The following NUP93 variants were observed in gnomAD, a reference collection of about 807,000 sequenced individuals.
NUP93 encodes nucleoporin 93.
In NUP93, 55 loss-of-function variants were observed where a neutral mutation model predicts 107.8. That is an observed-to-expected ratio of 0.51 (90% confidence interval 0.41 to 0.64). NUP93 has a LOEUF of 0.64. NUP93 is among the 30% of genes least tolerant of loss of function. NUP93 has a pLI of 0.00. For synonymous variants in NUP93, 390 were observed against 397.5 expected (o/e 0.98, Z 0.22); for missense variants, 937 against 1,044.7 (o/e 0.90, Z 1.42).
At chr16:56,818,885 C>T (rs1191729252) in intron 6 of NUP93, 147 bp downstream of exon 6, 1 of 633,086 alleles carries the variant, frequency 1.6e-6, no homozygotes, top group African/African-American at 1.8e-5. Flanking sequence ...TTAGCATAGG[C>T]CACTGGAGAA....
chr16:56,808,508 A>G lies in NUP93; in HGVS notation c.489+2876A>G, dbSNP rs1963221099. 1.6e-5 allele frequency among the ~76,000 whole-genome samples: 2 copies of G among 124,628 alleles called. 1 individual carries two copies. Among genetic ancestry groups the G allele is most frequent in the South Asian group, 4.8e-4 (2 of 4,194 alleles). The allele number at this position is 124,628 out of a possible 152,430, so 81.8% of individuals were successfully genotyped here. A position where few individuals can be genotyped will look rare whatever the true frequency, so the allele number is the denominator to read the frequency against. On this transcript the variant is annotated intron_variant, in intron 5 of 21. Transcript: ENST00000308159. The stretch of plus-strand genomic sequence containing the variant: ...TAGTTATGTAACTATATAAATATAT[A>G]GTTATGTAACTATATATAAATATAG...
intron 3 of NUP93, among the ~76,000 whole-genome samples, chr16:56,793,385 G>A (rs1463259790): frequency 1.3e-5 from 2 of 152,142 alleles, no homozygotes; most frequent in Non-Finnish European, 2.9e-5. Context: ...TAGTGATGGG[G>A]AGCTCTGGGG....
chr16:56,756,485 A>G (rs1405532802), intron 2 of NUP93, among the ~76,000 whole-genome samples: 3 of 151,884 alleles, frequency 2.0e-5, no homozygotes, highest in Non-Finnish European at 2.9e-5. Flanking sequence ...ATTCTTTTTG[A>G]TGGCTGCGTG....
At chr16:56,834,594 AT>A in intron 15 of NUP93, 139 bp from the exon 16 acceptor site, 1 of 1,101,830 alleles carries the variant, frequency 9.1e-7, no homozygotes, top group Non-Finnish European at 1.3e-6. Flanking sequence ...GAAAATATTT[AT>A]TTCAGTCACA....
At chr16:56,772,660 C>A (rs1363373423) in intron 3 of NUP93, among the ~76,000 whole-genome samples, 1 of 152,190 alleles carries the variant, frequency 6.6e-6, no homozygotes, top group Non-Finnish European at 1.5e-5. Flanking sequence ...TACATACTCT[C>A]CTTACTTGTG....
chr16:56,808,568 A>G (rs556065781), intron 5 of NUP93, among the ~76,000 whole-genome samples: 3 of 125,860 alleles, frequency 2.4e-5, no homozygotes, highest in Admixed American at 8.2e-5. Flanking sequence ...ATATATAAAT[A>G]CATTTATATA....
chr16:56,838,276 G>T (rs554872054), intron 18 of NUP93, among the ~76,000 whole-genome samples: 5 of 152,116 alleles, frequency 3.3e-5, no homozygotes, highest in Admixed American at 6.5e-5. Context: ...CCTTCCCGGG[G>T]TAACAAAAAA....
At chr16:56,778,613 CAT>C (rs1331617538) in intron 3 of NUP93, among the ~76,000 whole-genome samples, 1 of 152,150 alleles carries the variant, frequency 6.6e-6, no homozygotes, top group Non-Finnish European at 1.5e-5. Flanking sequence ...ACATCTGCCA[CAT>C]GTGGTGCCTG....
chr16:56,818,348 A>T (rs1369052377), intron 5 of NUP93, among the ~76,000 whole-genome samples: 2 of 152,184 alleles, frequency 1.3e-5, no homozygotes, highest in Non-Finnish European at 2.9e-5. Flanking sequence ...TGAGGTAGAG[A>T]GGGGGCTTGA....
intron 4 of NUP93, among the ~76,000 whole-genome samples, chr16:56,799,113 A>G (rs1394521442): frequency 6.6e-6 from 1 of 152,182 alleles, no homozygotes; most frequent in Admixed American, 6.5e-5. Flanking sequence ...CCAGAAAATT[A>G]GTGGTTTCAT....
Position 56,838,989 on chromosome 16 carries a change from G to A in NUP93, c.2056G>A (p.Asp686Asn), listed in dbSNP as rs748209131. 6.2e-7 allele frequency: 1 copy of A among 1,614,000 alleles called. No individual in the cohort carries two copies. Among genetic ancestry groups the A allele is most frequent in the South Asian group, 1.1e-5 (1 of 91,072 alleles). Residue 686 changes from aspartate (D) to asparagine (N), a missense_variant, in exon 19 of 22, where the codon GAC (aspartate) becomes AAC (asparagine). Asp to Asn is a conservative substitution (Grantham distance 23). Coordinates refer to ENST00000308159, the MANE Select transcript of NUP93 (RefSeq NM_014669.5). ...AGGAATAAGCGCAAATAAATTTGTG[G>A]ACTCCACGTTCTATCTTCTTTTGGA... is the stretch of plus-strand genomic sequence containing the variant. ...AQGISANKFV[D>N]STFYLLLDLI...
rs780108547 is a variant in NUP93 at position 56,833,404 on chromosome 16, T to C, written c.1535T>C (p.Leu512Pro). ...LLKSSGQSAQ[L>P]LSHEPGDPPC... ...AAGTCCTCTGGACAGAGTGCTCAGC[T>C]CCGTGAGTATTTGGGATTGGATTGA... is the stretch of plus-strand genomic sequence containing the variant. Residue 512 changes from leucine to proline, a missense_variant and splice_region_variant, in exon 13 of 22, where the codon CTC (leucine) becomes CCC (proline). Leu to Pro is a moderately conservative substitution (Grantham distance 98). Coordinates refer to ENST00000308159, the MANE Select transcript of NUP93 (RefSeq NM_014669.5). The C allele has an allele frequency of 6.6e-7, 1 of 1,523,890 alleles. No homozygotes were observed. Among genetic ancestry groups the C allele is most frequent in the Admixed American group, 2.4e-5 (1 of 41,306 alleles). 94.4% of individuals were successfully genotyped at this position (1,523,890 alleles called of 1,614,324 possible). A position where few individuals can be genotyped will look rare whatever the true frequency, so the allele number is the denominator to read the frequency against.
At chr16:56,777,350 A>T (rs1012227309) in intron 3 of NUP93, among the ~76,000 whole-genome samples, 20 of 152,194 alleles carry the variant, frequency 1.3e-4, no homozygotes, top group African/African-American at 4.3e-4. Context: ...TATCAAAGTC[A>T]GAACCACCAC....
chr16:56,833,898 G>C (rs186210858), intron 13 of NUP93, among the ~76,000 whole-genome samples: 1 of 152,322 alleles, frequency 6.6e-6, no homozygotes, highest in African/African-American at 2.4e-5. Flanking sequence ...TTCACTCAAA[G>C]ACCAGCATAT....
chr16:56,796,322 C>T (rs1962897097), intron 3 of NUP93, among the ~76,000 whole-genome samples: 1 of 152,150 alleles, frequency 6.6e-6, no homozygotes, highest in Admixed American at 6.5e-5. Context: ...TTACAGTTGC[C>T]TGTAGTATTC....
intron 10 of NUP93, among the ~76,000 whole-genome samples, 195 bp downstream of exon 10, chr16:56,830,880 C>T (rs1167996015): frequency 6.6e-6 from 1 of 152,216 alleles, no homozygotes; most frequent in Non-Finnish European, 1.5e-5. Context: ...CATTCTGACA[C>T]TGATGTCTAG....
intron 3 of NUP93, among the ~76,000 whole-genome samples, chr16:56,796,577 C>CAGT (rs1409882974): frequency 6.6e-6 from 1 of 152,184 alleles, no homozygotes; most frequent in African/African-American, 2.4e-5. Flanking sequence ...TTAACCATGA[C>CAGT]AGTACGTTTC....
chr16:56,826,350 A>G lies in NUP93; in HGVS notation c.794+2504A>G, dbSNP rs142790580. 1.8e-3 allele frequency among the ~76,000 whole-genome samples: 267 copies of G among 152,240 alleles called. 1 individual carries two copies. Among genetic ancestry groups the G allele is most frequent in the African/African-American group, 6.1e-3 (252 of 41,548 alleles). On this transcript the variant is annotated intron_variant, in intron 8 of 21. Coordinates refer to ENST00000308159, the MANE Select transcript of NUP93 (RefSeq NM_014669.5). ...AACATCGTGAAACCCCGGTTATACT[A>G]AAAATACAAAAATTAGCTGGGTGTG...
chr16:56,770,591 T>C (rs1402973431), intron 3 of NUP93, among the ~76,000 whole-genome samples: 1 of 152,198 alleles, frequency 6.6e-6, no homozygotes, highest in Non-Finnish European at 1.5e-5. Flanking sequence ...ATAGTCACTT[T>C]CTTGACTGTT....
Sources: gnomAD v4.1 joint callset for allele counts (sites outside exome capture counted in the v4.1 genomes callset) on GRCh38, gnomAD v4.1.1 for gene constraint, MANE v1.5 for transcripts, NCBI Gene and HGNC (gene_info 2026-07-23, HGNC 2026-07-21) for gene names.